The following PVT1 variants were observed in gnomAD, a reference collection of about 807,000 sequenced individuals.
PVT1 encodes Pvt1 oncogene.
At chr8:127,867,359 C>G (rs752390142) in intron 2 of PVT1, among the ~76,000 whole-genome samples, 18 of 152,236 alleles carry the variant, frequency 1.2e-4, no homozygotes, top group Admixed American at 6.5e-5. Flanking sequence ...CCATTTACTC[C>G]TCCGCAGTTA....
At chr8:128,098,217 C>G (rs1814453236) in intron 6 of PVT1, among the ~76,000 whole-genome samples, 1 of 152,172 alleles carries the variant, frequency 6.6e-6, no homozygotes, top group Non-Finnish European at 1.5e-5. Flanking sequence ...GCCCAGGGCT[C>G]TGGCTGACCC....
At position 128,021,588 on chromosome 8, in the gene PVT1, C is replaced by T. The variant is rs548687291; in HGVS notation, n.912+32297C>T. Among the ~76,000 whole-genome samples the T allele has an allele frequency of 7.2e-5, 11 of 152,264 alleles. No homozygotes were observed. The East Asian group carries it at 7.7e-4, about 11-fold the overall frequency. On this transcript the variant is annotated intron_variant and non_coding_transcript_variant, in intron 4 of 10. Transcript: ENST00000651587. ...GATTACAGGCGTGAGCAACCGCGCC[C>T]GGCCTGTCTGGGCCATCTTTATACT...
intron 4 of PVT1, among the ~76,000 whole-genome samples, chr8:128,003,488 G>A (rs1282889966): frequency 6.6e-6 from 1 of 152,042 alleles, no homozygotes; most frequent in Admixed American, 6.5e-5. Context: ...TGGGACTACA[G>A]GTATGTGTTC....
chr8:127,857,790 AT>A (rs1367524341), intron 2 of PVT1, among the ~76,000 whole-genome samples: 3 of 152,332 alleles, frequency 2.0e-5, no homozygotes, highest in African/African-American at 7.2e-5. Context: ...CTCTCCTGGC[AT>A]TGCCTGGCAC....
chr8:127,820,646 C>T (rs745672242), intron 2 of PVT1, among the ~76,000 whole-genome samples: 6 of 151,864 alleles, frequency 4.0e-5, no homozygotes, highest in Non-Finnish European at 7.4e-5. Flanking sequence ...AGTTCTGGCC[C>T]CTGCTGACTG....
intron 3 of PVT1, among the ~76,000 whole-genome samples, chr8:127,972,695 C>T (rs1037001145): frequency 7.9e-5 from 12 of 151,918 alleles, no homozygotes; most frequent in African/African-American, 2.9e-4. Context: ...GCCGAGATCC[C>T]GCTATTGCAC....
At chr8:128,043,043 C>A (rs1423169209) in intron 4 of PVT1, among the ~76,000 whole-genome samples, 1 of 152,090 alleles carries the variant, frequency 6.6e-6, no homozygotes, top group Non-Finnish European at 1.5e-5. Context: ...GGATCACAGG[C>A]GTGAGCCACT....
chr8:128,029,141 G>A (rs1813359270), intron 4 of PVT1, among the ~76,000 whole-genome samples: 1 of 151,702 alleles, frequency 6.6e-6, no homozygotes, highest in African/African-American at 2.4e-5. Context: ...ACCATGGCTG[G>A]CTAATTTTTT....
At chr8:128,060,293 G>A (rs1046844838) in intron 4 of PVT1, among the ~76,000 whole-genome samples, 5 of 152,098 alleles carry the variant, frequency 3.3e-5, no homozygotes, top group Non-Finnish European at 7.4e-5. Context: ...TGGCCTCAAA[G>A]TTCTTGGTCT....
intron 5 of PVT1, among the ~76,000 whole-genome samples, chr8:128,081,780 A>T (rs1395149760): frequency 6.6e-6 from 1 of 152,206 alleles, no homozygotes; most frequent in Admixed American, 6.5e-5. Context: ...GAAAACACAA[A>T]GGTCCCAAAA....
intron 3 of PVT1, among the ~76,000 whole-genome samples, chr8:127,962,631 T>A (rs1167931209): frequency 6.6e-6 from 1 of 151,952 alleles, no homozygotes; most frequent in Non-Finnish European, 1.5e-5. Context: ...TGTTGACGAT[T>A]TGTTGACGAG....
intron 4 of PVT1, among the ~76,000 whole-genome samples, chr8:128,033,333 GTA>G (rs1374640727): frequency 6.6e-6 from 1 of 152,180 alleles, no homozygotes; most frequent in African/African-American, 2.4e-5. Flanking sequence ...ATGTGTGTGT[GTA>G]TGTATGTGTG....
intron 3 of PVT1, among the ~76,000 whole-genome samples, chr8:127,977,711 G>C (rs924497226): frequency 6.8e-6 from 1 of 147,422 alleles, no homozygotes; most frequent in Non-Finnish European, 1.5e-5. Flanking sequence ...CTCCAGCCTC[G>C]GCAACGAAGC....
intron 3 of PVT1, among the ~76,000 whole-genome samples, chr8:127,962,047 T>A (rs1378905365): frequency 6.6e-6 from 1 of 152,244 alleles, no homozygotes; most frequent in Non-Finnish European, 1.5e-5. Flanking sequence ...CGATCTCGCC[T>A]CACTGCAACC....
intron 4 of PVT1, among the ~76,000 whole-genome samples, chr8:127,994,974 C>T (rs1027608053): frequency 2.6e-5 from 4 of 152,344 alleles, no homozygotes; most frequent in East Asian, 3.9e-4. Flanking sequence ...CTCATCTGGA[C>T]ATACTCAGAA....
chr8:127,796,614 A>G (rs1224245805), intron 2 of PVT1, among the ~76,000 whole-genome samples: 2 of 152,282 alleles, frequency 1.3e-5, no homozygotes, highest in Non-Finnish European at 2.9e-5. Context: ...CTCCTGGACT[A>G]TAAGACACCC....
chr8:128,052,939 C>T (rs560997953), intron 4 of PVT1, among the ~76,000 whole-genome samples: 4 of 152,250 alleles, frequency 2.6e-5, no homozygotes, highest in South Asian at 4.1e-4. Context: ...TTAAACCTCA[C>T]AGTGGCTCCA....
intron 3 of PVT1, among the ~76,000 whole-genome samples, chr8:127,933,260 A>G (rs937762561): frequency 5.3e-5 from 8 of 152,108 alleles, no homozygotes; most frequent in African/African-American, 1.9e-4. Flanking sequence ...TGTTTAGTAG[A>G]GATGGGGTTT....
chr8:127,874,891 G>T (rs939313535), intron 2 of PVT1, among the ~76,000 whole-genome samples: 4 of 149,514 alleles, frequency 2.7e-5, no homozygotes, highest in Non-Finnish European at 2.9e-5. Flanking sequence ...CTGCAGTCTT[G>T]GTTGGCCTCC....
Sources: gnomAD v4.1 joint callset for allele counts (sites outside exome capture counted in the v4.1 genomes callset) on GRCh38, gnomAD v4.1.1 for gene constraint, MANE v1.5 for transcripts, NCBI Gene and HGNC (gene_info 2026-07-23, HGNC 2026-07-21) for gene names.